RNF17: variants seen among roughly 807,000 people sequenced by gnomAD.
The protein encoded by RNF17 is ring finger protein 17.
In RNF17, 31 loss-of-function variants were observed where a neutral mutation model predicts 200.5. The observed-to-expected ratio is 0.15, with a 90% CI of 0.12 to 0.21. The LOEUF is 0.21. Among genes scored for constraint, RNF17 ranks in the 10% least tolerant of loss-of-function variants. The pLI is 1.00. For synonymous variants in RNF17, 606 were observed against 637.8 expected (o/e 0.95, Z 0.75); for missense variants, 1,628 against 1,905.1 (o/e 0.85, Z 2.71).
intron 15 of RNF17, among the ~76,000 whole-genome samples, chr13:24,808,350 G>A (rs1886153936): frequency 6.6e-6 from 1 of 151,610 alleles, no homozygotes; most frequent in African/African-American, 2.4e-5. Context: ...TCTCCTTAGA[G>A]GTCCTTCACA....
intron 10 of RNF17, among the ~76,000 whole-genome samples, chr13:24,793,936 T>C (rs1166934728): frequency 1.3e-5 from 2 of 152,202 alleles, no homozygotes; most frequent in Admixed American, 1.3e-4. Context: ...TTTTATTGGT[T>C]GACTCTCCAG....
downstream of RNF17, among the ~76,000 whole-genome samples, chr13:24,881,299 C>T (rs1953807993): frequency 6.6e-6 from 1 of 152,014 alleles, no homozygotes; most frequent in Admixed American, 6.5e-5. Context: ...CACCACCACA[C>T]CTGGCTAACT....
rs1300666670 is a variant in RNF17, at chr13:24,799,535, C to A, written c.1540C>A (p.Gln514Lys). Residue 514 changes from glutamine to lysine, a missense_variant, in exon 12 of 36, where the codon CAA (glutamine) becomes AAA (lysine). Physicochemically the swap from Gln to Lys is moderately conservative, Grantham distance 53. This residue lies in a region of RNF17 where 289 missense variants were observed against 384.9 expected (regional missense o/e 0.75). Transcript: ENST00000255324. ...ATTTGTCCATGAAGTTGCACTAATA[C>A]AAATATTCATGGTAGATTTTGGAAA... ...RLFVHEVALI[Q>K]IFMVDFGNSE... is the part of the protein sequence containing the mutation. 1.2e-6 allele frequency: 2 copies of A among 1,610,938 alleles called. No homozygotes were observed. Among genetic ancestry groups the A allele is most frequent in the East Asian group, 2.2e-5 (1 of 44,740 alleles).
intron 15 of RNF17, among the ~76,000 whole-genome samples, chr13:24,811,987 C>T (rs1168090319): frequency 5.3e-5 from 8 of 151,960 alleles, no homozygotes; most frequent in African/African-American, 9.7e-5. Flanking sequence ...CTTGAGGAGG[C>T]AGTCTGCCCA....
At chr13:24,764,877 G>A (rs73162018) in intron 1 of RNF17, among the ~76,000 whole-genome samples, 27,685 of 145,590 alleles carry the variant, frequency 0.19, 2,711 homozygotes, top group South Asian at 0.36. Flanking sequence ...TTTCTTTTGT[G>A]CACCTTGTGG....
chr13:24,880,114 G>A (rs116255252), downstream of RNF17, among the ~76,000 whole-genome samples: 1,614 of 151,984 alleles, frequency 0.011, 36 homozygotes, highest in African/African-American at 0.035. Flanking sequence ...AACTGCCTGC[G>A]ACTGGTTAAT....
chr13:24,821,019 G>C (rs557308105), intron 15 of RNF17, among the ~76,000 whole-genome samples: 40 of 152,156 alleles, frequency 2.6e-4, no homozygotes, highest in South Asian at 8.3e-4. Context: ...TATGAGATCA[G>C]TTTGTCAGAA....
At chr13:24,797,613 G>A (rs1256069543) in intron 11 of RNF17, among the ~76,000 whole-genome samples, 6 of 151,514 alleles carry the variant, frequency 4.0e-5, no homozygotes, top group African/African-American at 1.2e-4. Flanking sequence ...TGGTTTCCTC[G>A]CACATCCTAA....
chr13:24,888,018 G>A, the RNF17 span, among the ~76,000 whole-genome samples: 3 of 152,202 alleles, frequency 2.0e-5, no homozygotes, highest in East Asian at 1.9e-4. Context: ...ATGTCTTTAC[G>A]TAGGTGGTGG....
At chr13:24,861,864 A>G (rs1209963610) in intron 27 of RNF17, among the ~76,000 whole-genome samples, 1 of 152,214 alleles carries the variant, frequency 6.6e-6, no homozygotes, top group Non-Finnish European at 1.5e-5. Context: ...ACACTGCTAT[A>G]AAGATACTAC....
chr13:24,869,618 T>C (rs1314519846), intron 31 of RNF17, among the ~76,000 whole-genome samples: 1 of 152,228 alleles, frequency 6.6e-6, no homozygotes, highest in Non-Finnish European at 1.5e-5. Flanking sequence ...CTGTGTTTCC[T>C]GCCCGTGGCC....
rs2863939 is a variant in RNF17 at position 24,806,006 on chromosome 13, T to G, written c.2091+1577T>G. 4.9e-3 allele frequency among the ~76,000 whole-genome samples: 751 copies of G among 152,202 alleles called. 6 individuals carry two copies. The highest frequency in any genetic ancestry group is 6.8e-3 in the Non-Finnish European group (462 of 68,016). ...CTGCACCCATCCCCATCATCTACATTAGGTATTTCTCCTAATGCTATCCCT... is the reference window on the plus strand; with the variant it reads ...CTGCACCCATCCCCATCATCTACATGAGGTATTTCTCCTAATGCTATCCCT... On this transcript the variant is annotated intron_variant, in intron 15 of 35. Coordinates refer to ENST00000255324, the MANE Select transcript of RNF17 (RefSeq NM_031277.3).
At chr13:24,852,208 G>T (rs140020109) in intron 24 of RNF17, among the ~76,000 whole-genome samples, 1 of 149,444 alleles carries the variant, frequency 6.7e-6, no homozygotes, top group African/African-American at 2.5e-5. Context: ...GCGCAATCTC[G>T]GCTCACTGCA....
chr13:24,752,646 C>T, the RNF17 span, among the ~76,000 whole-genome samples: 3 of 152,178 alleles, frequency 2.0e-5, no homozygotes, highest in Non-Finnish European at 4.4e-5. Context: ...ATAGATGGCC[C>T]GCCGAGGCTG....
chr13:24,868,298 G>A (rs1389382711), intron 30 of RNF17, among the ~76,000 whole-genome samples: 4 of 149,806 alleles, frequency 2.7e-5, no homozygotes, highest in East Asian at 2.0e-4. Context: ...GTGAAACCCC[G>A]TCTCTACTAA....
intron 16 of RNF17, among the ~76,000 whole-genome samples, chr13:24,828,030 A>G (rs565533238): frequency 6.6e-6 from 1 of 152,348 alleles, no homozygotes; most frequent in South Asian, 2.1e-4. Context: ...AGACAAAAAC[A>G]TTCCAGTGAT....
chr13:24,790,034 T>C (rs1883650201), intron 9 of RNF17, among the ~76,000 whole-genome samples: 1 of 152,054 alleles, frequency 6.6e-6, no homozygotes, highest in African/African-American at 2.4e-5. Flanking sequence ...ACCCTAGATA[T>C]TGAGATAAAT....
intron 16 of RNF17, chr13:24,826,026 AATT>A: frequency 1.0e-6 from 1 of 984,304 alleles, no homozygotes; most frequent in Middle Eastern, 5.2e-4. Flanking sequence ...AACAGAAATT[AATT>A]ATTCAAAAAC....
chr13:24,788,272 T>C, intron 7 of RNF17, 113 bp downstream of exon 7: 1 of 704,178 alleles, frequency 1.4e-6, no homozygotes, highest in Non-Finnish European at 2.2e-6. Flanking sequence ...TATATTATTA[T>C]TTAGAATTCT....
Sources: allele counts gnomAD v4.1 joint callset (sites outside exome capture counted in the v4.1 genomes callset), GRCh38; gene constraint gnomAD v4.1.1; regional missense constraint gnomAD v4.1.1; transcripts MANE v1.5; gene names NCBI Gene and HGNC (gene_info 2026-07-23, HGNC 2026-07-21).